Variants in FBXO28 observed in about 807,000 individuals in gnomAD.
FBXO28 encodes F-box protein 28.
In FBXO28, 8 loss-of-function variants were observed where a neutral mutation model predicts 38.1. That is an observed-to-expected ratio of 0.21 (90% CI 0.12 to 0.38). The LOEUF is 0.38. FBXO28 is among the 10% of genes least tolerant of loss of function. The probability of loss-of-function intolerance (pLI) is 1.00; values close to 1 mark genes in which losing one functional copy is unlikely to be tolerated. For synonymous variants in FBXO28, 168 were observed against 173.8 expected (o/e 0.97, Z 0.26); for missense variants, 345 against 460.6 (o/e 0.75, Z 2.30).
intron 3 of FBXO28, among the ~76,000 whole-genome samples, chr1:224,147,241 G>T (rs1366646389): frequency 1.3e-5 from 2 of 151,504 alleles, no homozygotes; most frequent in Non-Finnish European, 2.9e-5. Flanking sequence ...TGACCAATAT[G>T]GTGAACCCGC....
chr1:224,136,567 C>CAA (rs112359233), intron 3 of FBXO28, among the ~76,000 whole-genome samples: 1 of 139,736 alleles, frequency 7.2e-6, no homozygotes. Context: ...ACTAAAAATA[C>CAA]AAAAAAAAAA....
intron 3 of FBXO28, among the ~76,000 whole-genome samples, chr1:224,146,082 AAATT>A (rs1229854174): frequency 5.3e-5 from 8 of 151,732 alleles, no homozygotes; most frequent in African/African-American, 1.9e-4. Flanking sequence ...AAAAAAAAAA[AAATT>A]ATCCGGGCGT....
chr1:224,129,000 A>AC (rs1031367369), intron 1 of FBXO28, among the ~76,000 whole-genome samples: 6 of 151,520 alleles, frequency 4.0e-5, no homozygotes, highest in African/African-American at 1.2e-4. Context: ...AAAAAAAAAA[A>AC]AAACTATATT....
chr1:224,144,086 G>A (rs1263966763), intron 3 of FBXO28, among the ~76,000 whole-genome samples: 2 of 151,634 alleles, frequency 1.3e-5, no homozygotes, highest in African/African-American at 4.8e-5. Flanking sequence ...AGAGAGAGAT[G>A]GAGGTTGCAG....
At chr1:224,154,863 A>C (rs1657736989) in intron 4 of FBXO28, among the ~76,000 whole-genome samples, 1 of 150,808 alleles carries the variant, frequency 6.6e-6, no homozygotes, top group East Asian at 2.0e-4. Context: ...CTGTAGTCCC[A>C]GCTACTAGGG....
In FBXO28 at chr1:224,114,326, C is replaced by T; in HGVS notation, c.197C>T (p.Ala66Val). 1 of 1,585,688 alleles carries T rather than the reference C, an allele frequency of 6.3e-7. No homozygotes were observed. The highest frequency in any genetic ancestry group is 8.6e-7 in the Non-Finnish European group (1 of 1,165,832). ...CTGCCTCAAAACAACACGCTTGTGG[C>T]GCTGCCCATCGTAGCCATCGAGAAC... ...DQLPQNNTLVALPIVAIENIL... is the reference protein window; with the variant it reads ...DQLPQNNTLVVLPIVAIENIL... Residue 66 changes from alanine to valine, a missense_variant, in exon 1 of 5, where the codon GCG (alanine) becomes GTG (valine). Around this residue, in one of 6 missense-constraint regions of FBXO28, gnomAD observed 56 missense variants for 99.8 expected, o/e 0.56. Coordinates refer to ENST00000366862, the MANE Select transcript of FBXO28 (RefSeq NM_015176.4).
At chr1:224,131,988 C>A (rs1657058770) in intron 2 of FBXO28, among the ~76,000 whole-genome samples, 1 of 152,164 alleles carries the variant, frequency 6.6e-6, no homozygotes. Context: ...TGCAGTGGCT[C>A]ACACCTGTAA....
chr1:224,117,266 C>G (rs1433692310), intron 1 of FBXO28, among the ~76,000 whole-genome samples: 2 of 137,610 alleles, frequency 1.5e-5, no homozygotes, highest in Non-Finnish European at 3.0e-5. Context: ...TCCTGGGGTT[C>G]AAGCGATTCT....
intron 3 of FBXO28, among the ~76,000 whole-genome samples, chr1:224,145,053 G>A (rs911491990): frequency 5.9e-5 from 9 of 151,872 alleles, no homozygotes; most frequent in Admixed American, 1.3e-4. Context: ...AGGCTGAGTC[G>A]AGTGGATCGC....
intron 3 of FBXO28, among the ~76,000 whole-genome samples, chr1:224,136,457 C>T (rs948634994): frequency 4.0e-5 from 6 of 151,860 alleles, no homozygotes; most frequent in Non-Finnish European, 7.4e-5. Context: ...GGCGCGGTAG[C>T]TCACACCTGT....
At chr1:224,128,722 C>T (rs1382811647) in intron 1 of FBXO28, among the ~76,000 whole-genome samples, 1 of 152,120 alleles carries the variant, frequency 6.6e-6, no homozygotes, top group Non-Finnish European at 1.5e-5. Flanking sequence ...CATGGTGGCT[C>T]ATGCCTATAA....
chr1:224,124,285 A>G (rs756041912), intron 1 of FBXO28, among the ~76,000 whole-genome samples: 3 of 152,254 alleles, frequency 2.0e-5, no homozygotes, highest in Admixed American at 6.5e-5. Flanking sequence ...CTCTTACAGT[A>G]GAACAGTGAG....
intron 4 of FBXO28, among the ~76,000 whole-genome samples, chr1:224,155,224 G>A (rs1657746464): frequency 6.6e-6 from 1 of 151,700 alleles, no homozygotes; most frequent in Non-Finnish European, 1.5e-5. Flanking sequence ...GGAGTGCAAT[G>A]GCGTGATCTC....
intron 3 of FBXO28, among the ~76,000 whole-genome samples, chr1:224,138,568 C>G (rs1232141884): frequency 3.3e-5 from 5 of 151,732 alleles, no homozygotes. Context: ...CTCAAATCTT[C>G]TATCTAACAC....
At chr1:224,150,455 T>A (rs1372268184) in intron 3 of FBXO28, among the ~76,000 whole-genome samples, 1 of 151,756 alleles carries the variant, frequency 6.6e-6, no homozygotes, top group Non-Finnish European at 1.5e-5. Context: ...AAGGACCCTT[T>A]AAATACTGAT....
At position 224,160,008 on chromosome 1, in the gene FBXO28, A is replaced by T. The variant is rs1376670102; in HGVS notation, c.*2262A>T. The T allele has an allele frequency of 6.6e-6, 1 of 152,208 alleles. No individual in the cohort carries two copies. The highest frequency in any genetic ancestry group is 6.5e-5 in the Admixed American group (1 of 15,282). 9.4% of individuals were successfully genotyped at this position (152,208 alleles called of 1,614,324 possible). On this transcript the variant is annotated 3_prime_UTR_variant, in exon 5 of 5. Coordinates refer to ENST00000366862, the MANE Select transcript of FBXO28 (RefSeq NM_015176.4). Reference sequence around the variant, plus strand: ...AATCATCTATTCATAAAGCTAATTCATTGTACTTGTTAATGCATGAATGTT... The same window carrying T: ...AATCATCTATTCATAAAGCTAATTCTTTGTACTTGTTAATGCATGAATGTT...
chr1:224,114,139 G>A lies in FBXO28; in HGVS notation c.10G>A (p.Ala4Thr). 6.5e-7 allele frequency: 1 copy of A among 1,540,914 alleles called. No homozygotes were observed. The part of the protein sequence containing the change: MAA[A>T]AEERMAEEGG... Reference sequence around the variant, plus strand: ...GAATCAAGCCCCCAAGATGGCGGCAGCGGCGGAGGAGCGGATGGCAGAGGA... The same window carrying A: ...GAATCAAGCCCCCAAGATGGCGGCAACGGCGGAGGAGCGGATGGCAGAGGA... Residue 4 changes from alanine to threonine, a missense_variant, in exon 1 of 5, where the codon GCG becomes ACG. By Grantham distance (58) the Ala-to-Thr change is moderately conservative. Around this residue, in one of 6 missense-constraint regions of FBXO28, gnomAD observed 104 missense variants for 82.0 expected, o/e 1.27. Coordinates refer to ENST00000366862, the MANE Select transcript of FBXO28 (RefSeq NM_015176.4).
At position 224,129,028 on chromosome 1, in the gene FBXO28, G is replaced by A. The variant is rs149142342; in HGVS notation, c.268-1444G>A. 1.5e-3 allele frequency among the ~76,000 whole-genome samples: 225 copies of A among 150,130 alleles called. 1 individual carries two copies. The highest frequency in any genetic ancestry group is 5.1e-3 in the African/African-American group (210 of 41,090). Reference sequence around the variant, plus strand: ...ACTATATTAAGGATTCAAAGTAGTTGATGTTCTACTACACATGCTAAGATA... The same window carrying A: ...ACTATATTAAGGATTCAAAGTAGTTAATGTTCTACTACACATGCTAAGATA... On this transcript the variant is annotated intron_variant, in intron 1 of 4. Transcript: ENST00000366862.
chr1:224,154,757 G>A (rs368426227), intron 4 of FBXO28, among the ~76,000 whole-genome samples: 19 of 150,772 alleles, frequency 1.3e-4, no homozygotes, highest in Admixed American at 1.1e-3. Flanking sequence ...GCAGTGAGCC[G>A]AGATTGATCG....
Sources: gnomAD v4.1 joint callset for allele counts (sites outside exome capture counted in the v4.1 genomes callset) on GRCh38, gnomAD v4.1.1 for gene constraint, gnomAD v4.1.1 regional missense constraint, MANE v1.5 for transcripts, NCBI Gene and HGNC (gene_info 2026-07-23, HGNC 2026-07-21) for gene names.